NDUFS4: variants seen among roughly 807,000 people sequenced by gnomAD.
The protein encoded by NDUFS4 is NADH dehydrogenase [ubiquinone] iron-sulfur protein 4, mitochondrial.
A neutral mutation model predicts 24.3 loss-of-function variants in NDUFS4; 28 were observed. The observed-to-expected ratio is 1.15, with a 90% CI of 0.85 to 1.58. NDUFS4 has a LOEUF of 1.58. NDUFS4 is among the 40% of genes most tolerant of loss of function. NDUFS4 has a pLI of 0.00. For synonymous variants in NDUFS4, 93 were observed against 69.7 expected (o/e 1.34, Z -1.67); for missense variants, 223 against 207.9 (o/e 1.07, Z -0.45).
At chr5:53,561,186 G>A (rs1748833007) in intron 1 of NDUFS4, among the ~76,000 whole-genome samples, 1 of 152,074 alleles carries the variant, frequency 6.6e-6, no homozygotes, top group Non-Finnish European at 1.5e-5. Flanking sequence ...TCCCTTCCAT[G>A]GTTTTAAGTG....
chr5:53,603,630 T>G (rs1206671001), intron 2 of NDUFS4, 100 bp downstream of exon 2: 19 of 882,800 alleles, frequency 2.2e-5, no homozygotes, highest in Non-Finnish European at 2.2e-5. Context: ...GGAAAGTGAT[T>G]TGAATTTGAA....
intron 3 of NDUFS4, among the ~76,000 whole-genome samples, chr5:53,653,888 T>C (rs1752088933): frequency 6.6e-6 from 1 of 152,176 alleles, no homozygotes; most frequent in Non-Finnish European, 1.5e-5. Context: ...TGAGTATTGC[T>C]AATATTTAAA....
At chr5:53,614,832 CTT>C in intron 2 of NDUFS4, among the ~76,000 whole-genome samples, 1 of 151,968 alleles carries the variant, frequency 6.6e-6, no homozygotes, top group East Asian at 1.9e-4. Context: ...ATGTAGGAAA[CTT>C]TGGCTCTCAA....
At chr5:53,565,859 T>A (rs1749003566) in intron 1 of NDUFS4, among the ~76,000 whole-genome samples, 1 of 151,290 alleles carries the variant, frequency 6.6e-6, no homozygotes, top group South Asian at 2.1e-4. Context: ...GGAGTAAGAG[T>A]AACTATGCGA....
At chr5:53,680,038 G>A (rs1306149675) in intron 4 of NDUFS4, among the ~76,000 whole-genome samples, 3 of 152,084 alleles carry the variant, frequency 2.0e-5, no homozygotes, top group Non-Finnish European at 4.4e-5. Context: ...GATAAAACTT[G>A]CAATTGCGGG....
chr5:53,635,677 T>G (rs1212861395), intron 2 of NDUFS4, among the ~76,000 whole-genome samples: 1 of 152,244 alleles, frequency 6.6e-6, no homozygotes, highest in Non-Finnish European at 1.5e-5. Flanking sequence ...AAAATGCTTC[T>G]GTTAAACATA....
chr5:53,660,844 GTTCT>G (rs1162733387), intron 4 of NDUFS4, among the ~76,000 whole-genome samples: 2 of 152,108 alleles, frequency 1.3e-5, no homozygotes, highest in African/African-American at 2.4e-5. Context: ...TGTTGATGAG[GTTCT>G]TTGTTTTTTT....
chr5:53,662,794 T>C (rs916407667), intron 4 of NDUFS4, among the ~76,000 whole-genome samples: 5 of 77,398 alleles, frequency 6.5e-5, no homozygotes, highest in Admixed American at 1.4e-4. Flanking sequence ...GAGGTGCTTA[T>C]AGTATATTCT....
intron 4 of NDUFS4, among the ~76,000 whole-genome samples, chr5:53,680,529 G>A (rs1054859997): frequency 2.0e-5 from 3 of 152,146 alleles, no homozygotes; most frequent in African/African-American, 7.2e-5. Flanking sequence ...ATGATGTTGA[G>A]TTCATGTGCT....
At chr5:53,677,426 T>C (rs4147740) in intron 4 of NDUFS4, among the ~76,000 whole-genome samples, 20,402 of 152,158 alleles carry the variant, frequency 0.13, 1,774 homozygotes, top group Non-Finnish European at 0.18. Context: ...GCTTTGCCAG[T>C]GTATCCGAAA....
chr5:53,640,048 AGTG>A (rs1201534169), intron 2 of NDUFS4, among the ~76,000 whole-genome samples: 6 of 152,072 alleles, frequency 3.9e-5, no homozygotes, highest in Non-Finnish European at 7.4e-5. Flanking sequence ...AGTCCATCTA[AGTG>A]AACAAAACAT....
chr5:53,673,373 T>G (rs1740347035), intron 4 of NDUFS4, among the ~76,000 whole-genome samples: 1 of 152,134 alleles, frequency 6.6e-6, no homozygotes, highest in Non-Finnish European at 1.5e-5. Flanking sequence ...TAATTCTAGG[T>G]GCAATGATAT....
intron 1 of NDUFS4, among the ~76,000 whole-genome samples, chr5:53,585,429 T>C (rs1749716826): frequency 6.6e-6 from 1 of 152,174 alleles, no homozygotes; most frequent in Admixed American, 6.5e-5. Flanking sequence ...AGCAGACTAT[T>C]TTCTTCATTA....
chr5:53,681,016 T>A (rs1488451929), intron 4 of NDUFS4, among the ~76,000 whole-genome samples: 1 of 152,080 alleles, frequency 6.6e-6, no homozygotes, highest in Non-Finnish European at 1.5e-5. Context: ...TAGGTTAGAT[T>A]ATAGCTAGCT....
chr5:53,677,703 C>A (rs1740524875), intron 4 of NDUFS4, among the ~76,000 whole-genome samples: 1 of 152,118 alleles, frequency 6.6e-6, no homozygotes, highest in African/African-American at 2.4e-5. Context: ...TTCCAAGTAC[C>A]AGTATACCTT....
chr5:53,633,691 C>A (rs914071974), intron 2 of NDUFS4, among the ~76,000 whole-genome samples: 1 of 152,038 alleles, frequency 6.6e-6, no homozygotes, highest in Non-Finnish European at 1.5e-5. Context: ...GTTTTGGGAC[C>A]CTCAACCATG....
chr5:53,654,556 A>C lies in NDUFS4; in HGVS notation c.351-3995A>C, dbSNP rs140799061. Among the ~76,000 whole-genome samples, 1,235 of 152,188 alleles carry C rather than the reference A, an allele frequency of 8.1e-3. 10 individuals are homozygous for C. Among genetic ancestry groups the C allele is most frequent in the Non-Finnish European group, 0.014 (945 of 67,956 alleles). ...TTTTTCTCTACGGTCTTCATTATGTATATCTCCTATTTGCAGAAAGATGAC... is the reference window on the plus strand; with the variant it reads ...TTTTTCTCTACGGTCTTCATTATGTCTATCTCCTATTTGCAGAAAGATGAC... On this transcript the variant is annotated intron_variant, in intron 3 of 4. Coordinates refer to ENST00000296684, the MANE Select transcript of NDUFS4 (RefSeq NM_002495.4).
At chr5:53,615,185 T>C (rs1438828872) in intron 2 of NDUFS4, among the ~76,000 whole-genome samples, 3 of 151,928 alleles carry the variant, frequency 2.0e-5, no homozygotes, top group Non-Finnish European at 2.9e-5. Context: ...TTTAAAGTTA[T>C]AGCTCTTGAA....
intron 1 of NDUFS4, among the ~76,000 whole-genome samples, chr5:53,601,915 T>G (rs1750337064): frequency 6.6e-6 from 1 of 152,234 alleles, no homozygotes; most frequent in Non-Finnish European, 1.5e-5. Flanking sequence ...TTATTATTAG[T>G]TATTGTTAAT....
Sources: gnomAD v4.1 joint callset for allele counts (sites outside exome capture counted in the v4.1 genomes callset) on GRCh38, gnomAD v4.1.1 for gene constraint, MANE v1.5 for transcripts, NCBI Gene and HGNC (gene_info 2026-07-23, HGNC 2026-07-21) for gene names.